Variants in SEMA6D observed in about 807,000 individuals in gnomAD.
The protein encoded by SEMA6D is semaphorin-6D.
Under a neutral mutation model 106.6 loss-of-function variants are expected in SEMA6D, and 35 were observed. That is an observed-to-expected ratio of 0.33 (90% CI 0.25 to 0.44). The LOEUF (loss-of-function observed/expected upper bound fraction) is 0.44. Among genes scored for constraint, SEMA6D ranks in the 20% least tolerant of loss-of-function variants. SEMA6D has a pLI of 1.00. For synonymous variants in SEMA6D, 499 were observed against 487.7 expected (o/e 1.02, Z -0.31); for missense variants, 1,185 against 1,345.9 (o/e 0.88, Z 1.87).
At chr15:47,443,031 G>C (rs2041927977) in intron 2 of SEMA6D, among the ~76,000 whole-genome samples, 2 of 152,098 alleles carry the variant, frequency 1.3e-5, no homozygotes, top group Non-Finnish European at 2.9e-5. Flanking sequence ...TATTACAAGA[G>C]AGAGCACCAA....
At chr15:47,750,052 G>A (rs2081347375) in intron 1 of SEMA6D, among the ~76,000 whole-genome samples, 1 of 152,118 alleles carries the variant, frequency 6.6e-6, no homozygotes, top group South Asian at 2.1e-4. Context: ...ATTAAAGTTA[G>A]GCTAGAGTGG....
intron 1 of SEMA6D, among the ~76,000 whole-genome samples, chr15:47,300,839 C>T (rs969050924): frequency 4.6e-5 from 7 of 152,218 alleles, no homozygotes; most frequent in Non-Finnish European, 1.0e-4. Context: ...CATGTAGCCA[C>T]CAAGCTCAGT....
intron 3 of SEMA6D, among the ~76,000 whole-genome samples, chr15:47,575,885 T>G (rs748403978): frequency 3.9e-5 from 6 of 152,202 alleles, no homozygotes; most frequent in Admixed American, 2.0e-4. Context: ...CAAATGCACA[T>G]GTAGTAGGTG....
At chr15:47,521,984 C>CA (rs61136000) in intron 3 of SEMA6D, among the ~76,000 whole-genome samples, 2,997 of 81,738 alleles carry the variant, frequency 0.037, 65 homozygotes, top group African/African-American at 0.093. Flanking sequence ...GACTCCGTCT[C>CA]AAAAAAAAAA....
At chr15:47,283,353 G>C (rs1041147044) in intron 1 of SEMA6D, among the ~76,000 whole-genome samples, 2 of 152,154 alleles carry the variant, frequency 1.3e-5, no homozygotes, top group African/African-American at 4.8e-5. Flanking sequence ...CATGGAGGCT[G>C]TGACACCACA....
chr15:47,265,580 A>G (rs570061272), intron 1 of SEMA6D, among the ~76,000 whole-genome samples: 3 of 152,050 alleles, frequency 2.0e-5, no homozygotes, highest in African/African-American at 7.2e-5. Flanking sequence ...TGTTAAATCT[A>G]ACATCTGTTT....
intron 1 of SEMA6D, among the ~76,000 whole-genome samples, chr15:47,756,122 C>T (rs1227316680): frequency 6.6e-6 from 1 of 152,124 alleles, no homozygotes; most frequent in East Asian, 1.9e-4. Context: ...GTCAGGCATC[C>T]TGGCTCTCTG....
intron 18 of SEMA6D, 84 bp downstream of exon 18, chr15:47,768,832 G>A (rs997186055): frequency 7.4e-7 from 1 of 1,357,056 alleles, no homozygotes; most frequent in Non-Finnish European, 1.0e-6. Context: ...TTCTCCAGAG[G>A]TGGGCCTCAC....
intron 3 of SEMA6D, among the ~76,000 whole-genome samples, chr15:47,553,858 A>G (rs2045839293): frequency 6.6e-6 from 1 of 152,224 alleles, no homozygotes; most frequent in Admixed American, 6.5e-5. Context: ...TTAGAGAAAT[A>G]TAGGATTTCA....
intron 1 of SEMA6D, among the ~76,000 whole-genome samples, chr15:47,190,077 T>C (rs1893858332): frequency 1.3e-5 from 2 of 152,216 alleles, no homozygotes; most frequent in African/African-American, 2.4e-5. Context: ...GCTTTGATTC[T>C]CTTCACTTTT....
At chr15:47,374,415 T>C (rs1354495760) in intron 1 of SEMA6D, among the ~76,000 whole-genome samples, 1 of 152,012 alleles carries the variant, frequency 6.6e-6, no homozygotes, top group Non-Finnish European at 1.5e-5. Flanking sequence ...TCTCCATTCG[T>C]TAGGGGGAGC....
chr15:47,218,589 T>G (rs886424847), intron 1 of SEMA6D, among the ~76,000 whole-genome samples: 8 of 152,206 alleles, frequency 5.3e-5, no homozygotes, highest in Admixed American at 5.2e-4. Flanking sequence ...TCAGTCATGC[T>G]TTTCACTGCC....
intron 1 of SEMA6D, among the ~76,000 whole-genome samples, chr15:47,756,648 A>G (rs1331125757): frequency 6.6e-6 from 1 of 152,154 alleles, no homozygotes; most frequent in Non-Finnish European, 1.5e-5. Context: ...CCAACATTTC[A>G]TCCTGCTACT....
At chr15:47,258,605 T>C (rs540399361) in intron 1 of SEMA6D, among the ~76,000 whole-genome samples, 125 of 152,166 alleles carry the variant, frequency 8.2e-4, no homozygotes, top group Non-Finnish European at 1.3e-3. Flanking sequence ...AGACTTATAG[T>C]AGTATTATCA....
At chr15:47,409,322 G>C (rs1040711157) in intron 1 of SEMA6D, among the ~76,000 whole-genome samples, 5 of 152,186 alleles carry the variant, frequency 3.3e-5, no homozygotes, top group Non-Finnish European at 5.9e-5. Flanking sequence ...AATCCTGCCT[G>C]AAATGCACCC....
intron 1 of SEMA6D, among the ~76,000 whole-genome samples, chr15:47,719,839 T>C (rs1021602171): frequency 6.6e-6 from 1 of 152,170 alleles, no homozygotes; most frequent in Non-Finnish European, 1.5e-5. Flanking sequence ...GGAAATTAAG[T>C]TGTGTGTAGT....
At chr15:47,242,505 T>C (rs1405105550) in intron 1 of SEMA6D, among the ~76,000 whole-genome samples, 2 of 152,148 alleles carry the variant, frequency 1.3e-5, no homozygotes, top group African/African-American at 2.4e-5. Flanking sequence ...AACTTCATGC[T>C]AATGACTTAG....
intron 2 of SEMA6D, among the ~76,000 whole-genome samples, chr15:47,446,476 C>T (rs550082250): frequency 3.9e-5 from 6 of 152,098 alleles, no homozygotes; most frequent in Non-Finnish European, 8.8e-5. Context: ...CTTCAACTAA[C>T]AAGATAGAAG....
At chr15:47,432,569 G>A (rs2041570186) in intron 2 of SEMA6D, among the ~76,000 whole-genome samples, 1 of 151,488 alleles carries the variant, frequency 6.6e-6, no homozygotes, top group Non-Finnish European at 1.5e-5. Flanking sequence ...ATACGCATAT[G>A]TATATACATA....
Sources: allele counts gnomAD v4.1 joint callset (sites outside exome capture counted in the v4.1 genomes callset), GRCh38; gene constraint gnomAD v4.1.1; transcripts MANE v1.5; gene names NCBI Gene and HGNC (gene_info 2026-07-23, HGNC 2026-07-21).